AGFG1: variants seen among roughly 807,000 people sequenced by gnomAD.
AGFG1 encodes arf-GAP domain and FG repeat-containing protein 1.
In AGFG1, 10 loss-of-function variants were observed where a neutral mutation model predicts 60.6. The ratio of observed to expected loss-of-function variants is 0.16; its 90% CI spans 0.10 to 0.28. AGFG1 has a LOEUF of 0.28. AGFG1 is among the 10% of genes least tolerant of loss of function. AGFG1 has a pLI of 1.00. For synonymous variants in AGFG1, 247 were observed against 242.9 expected, an observed-to-expected ratio of 1.02 and a Z score of -0.16; for missense variants, 537 against 676.5, an observed-to-expected ratio of 0.79 and a Z score of 2.29.
At chr2:227,535,046 C>T in intron 8 of AGFG1, 21 bp downstream of exon 8, 9 of 1,533,884 alleles carry the variant, frequency 5.9e-6, no homozygotes, top group Non-Finnish European at 7.9e-6. Context: ...TTAGCTAGCC[C>T]TCCTGCTTTG....
At chr2:227,527,559 T>C (rs1692034891) in intron 5 of AGFG1, among the ~76,000 whole-genome samples, 1 of 152,208 alleles carries the variant, frequency 6.6e-6, no homozygotes. Flanking sequence ...GCTTAAACAG[T>C]GTAAAAGCAT....
intron 3 of AGFG1, 130 bp downstream of exon 3, chr2:227,520,193 C>T: frequency 1.9e-6 from 1 of 537,518 alleles, no homozygotes; most frequent in Non-Finnish European, 3.2e-6. Flanking sequence ...ATTCATTATC[C>T]CTTGGCTTTT....
rs566363415 is a variant in AGFG1 at position 227,506,874 on chromosome 2, A to G, written c.262-13074A>G. On this transcript the variant is annotated intron_variant, in intron 2 of 12. Transcript: ENST00000310078. The stretch of plus-strand genomic sequence containing the variant: ...TGCTAATGCCATCCACGTAGTGTCA[A>G]CGTTCCTCTGTTCTCCCAGTTACCT... Among the ~76,000 whole-genome samples, 22 of 152,252 alleles carry G rather than the reference A, an allele frequency of 1.4e-4. No individual in the cohort carries two copies. The South Asian group carries it at 1.5e-3, about 10-fold the overall frequency.
chr2:227,539,746 C>CAAAAAAAAAAAA (rs71039604), intron 10 of AGFG1, among the ~76,000 whole-genome samples: 2 of 65,562 alleles, frequency 3.1e-5, no homozygotes, highest in Non-Finnish European at 6.2e-5. Flanking sequence ...CTCTAGCTCA[C>CAAAAAAAAAAAA]AAAAAAAAAA....
In AGFG1 at chr2:227,557,168, G is replaced by A. The variant is rs1452430480; in HGVS notation, c.*2673G>A. 6.6e-6 allele frequency: 1 copy of A among 152,108 alleles called. No individual in the cohort carries two copies. The highest frequency in any genetic ancestry group is 1.5e-5 in the Non-Finnish European group (1 of 68,016). 9.4% of individuals were successfully genotyped at this position (152,108 alleles called of 1,614,324 possible). ...CTGGTTTAGTCACATCATTTTTCCTGTTCAGGTATCTGCAGATATCCCTGT... is the reference window on the plus strand; with the variant it reads ...CTGGTTTAGTCACATCATTTTTCCTATTCAGGTATCTGCAGATATCCCTGT... On this transcript the variant is annotated 3_prime_UTR_variant, in exon 13 of 13. Transcript: ENST00000310078.
At chr2:227,490,305 G>A (rs1167137200) in intron 1 of AGFG1, among the ~76,000 whole-genome samples, 3 of 152,084 alleles carry the variant, frequency 2.0e-5, no homozygotes, top group Non-Finnish European at 4.4e-5. Flanking sequence ...TTGGCCGGGC[G>A]TGGTCGCTCA....
chr2:227,501,108 A>G (rs1691140560), intron 2 of AGFG1, among the ~76,000 whole-genome samples: 2 of 136,578 alleles, frequency 1.5e-5, no homozygotes, highest in African/African-American at 2.9e-5. Context: ...TTTTTTTGAC[A>G]GAGTCTTGGT....
chr2:227,486,069 G>A (rs1206555798), intron 1 of AGFG1, among the ~76,000 whole-genome samples: 1 of 152,174 alleles, frequency 6.6e-6, no homozygotes, highest in East Asian at 1.9e-4. Flanking sequence ...AGGATCCTAT[G>A]TAACCTGAAG....
chr2:227,519,802 G>A, intron 2 of AGFG1, 146 bp from the exon 3 acceptor site: 1 of 518,754 alleles, frequency 1.9e-6, no homozygotes, highest in Non-Finnish European at 3.4e-6. Context: ...AATAAATTTA[G>A]TTCCTGTTTA....
chr2:227,503,443 G>A (rs371680428), intron 2 of AGFG1, among the ~76,000 whole-genome samples: 1 of 152,254 alleles, frequency 6.6e-6, no homozygotes. Context: ...TGGGTCAGGG[G>A]TTGACCAACT....
At chr2:227,531,046 T>C (rs751644562) in intron 5 of AGFG1, 45 bp from the exon 6 acceptor site, 9 of 1,535,202 alleles carry the variant, frequency 5.9e-6, no homozygotes, top group African/African-American at 1.4e-5. Flanking sequence ...TTTTCATTTA[T>C]AGTTTTCATA....
Position 227,548,217 on chromosome 2 carries a change from A to G in AGFG1, c.1379-3742A>G, listed in dbSNP as rs182026255. Among the ~76,000 whole-genome samples, 48 of 152,330 alleles carry G rather than the reference A, an allele frequency of 3.2e-4. No individual in the cohort carries two copies. The East Asian group carries it at 8.9e-3, about 28-fold the overall frequency. The stretch of plus-strand genomic sequence containing the variant: ...GCATGGGAAGTGACAGCTGATAGGT[A>G]TCACATTTCTTTTGAGGGGGATGAA... On this transcript the variant is annotated intron_variant, in intron 10 of 12. Coordinates refer to ENST00000310078, the MANE Select transcript of AGFG1 (RefSeq NM_004504.5).
chr2:227,531,209 A>G lies in AGFG1; in HGVS notation c.813A>G (p.Thr271=). The part of the protein sequence containing the change: ...ASHSPFQPQT[T]GGSAASVNAN... ...ACTCTCCTTTTCAGCCCCAAACTAC[A>G]GGTAGAGCTTCTCCAGCATTGTGCT... Residue 271 remains threonine, a splice_region_variant and synonymous_variant, in exon 6 of 13, where the codon ACA becomes ACG. Transcript: ENST00000310078. The G allele has an allele frequency of 6.2e-7, 1 of 1,612,848 alleles. No homozygotes were observed. The highest frequency in any genetic ancestry group is 8.5e-7 in the Non-Finnish European group (1 of 1,179,512).
chr2:227,545,043 T>C (rs1692605147), intron 10 of AGFG1, among the ~76,000 whole-genome samples: 1 of 152,250 alleles, frequency 6.6e-6, no homozygotes, highest in Non-Finnish European at 1.5e-5. Context: ...GATAATATCC[T>C]GCAGAGTGTT....
At chr2:227,486,330 T>C (rs1319744683) in intron 1 of AGFG1, among the ~76,000 whole-genome samples, 1 of 152,184 alleles carries the variant, frequency 6.6e-6, no homozygotes, top group Non-Finnish European at 1.5e-5. Flanking sequence ...CGTAGGGTTT[T>C]CGGGGGGTAA....
At chr2:227,530,394 A>G (rs1489269180) in intron 5 of AGFG1, among the ~76,000 whole-genome samples, 1 of 152,170 alleles carries the variant, frequency 6.6e-6, no homozygotes, top group Non-Finnish European at 1.5e-5. Context: ...AAAAATGGAT[A>G]CAAGTACTAC....
chr2:227,530,964 G>GT, intron 5 of AGFG1, 127 bp from the exon 6 acceptor site: 1 of 895,282 alleles, frequency 1.1e-6, no homozygotes, highest in Admixed American at 3.4e-5. Context: ...TGATTGCTAA[G>GT]TGAATTCTCT....
intron 2 of AGFG1, among the ~76,000 whole-genome samples, chr2:227,500,655 A>T (rs189268186): frequency 1.3e-5 from 2 of 152,224 alleles, no homozygotes; most frequent in African/African-American, 4.8e-5. Context: ...ACATTGTGCT[A>T]TATTTGCCTC....
chr2:227,502,028 C>G (rs1691173085), intron 2 of AGFG1, among the ~76,000 whole-genome samples: 1 of 151,242 alleles, frequency 6.6e-6, no homozygotes, highest in South Asian at 2.1e-4. Context: ...CTGGCTAATA[C>G]TGTTTATTTT....
Sources: allele counts gnomAD v4.1 joint callset (sites outside exome capture counted in the v4.1 genomes callset), GRCh38; gene constraint gnomAD v4.1.1; transcripts MANE v1.5; gene names NCBI Gene and HGNC (gene_info 2026-07-23, HGNC 2026-07-21).